The following ZFAND3 variants were observed in gnomAD, a reference collection of about 807,000 sequenced individuals.
ZFAND3 encodes AN1-type zinc finger protein 3.
Under a neutral mutation model 29.6 loss-of-function variants are expected in ZFAND3, and 10 were observed. That is an observed-to-expected ratio of 0.34 (90% CI 0.21 to 0.57). ZFAND3 has a LOEUF of 0.57. Ranked by LOEUF, ZFAND3 falls within the 20% of genes least tolerant of loss-of-function variation. The pLI, the probability that ZFAND3 is intolerant of heterozygous loss-of-function variation, is 0.86. For missense variants in ZFAND3, 230 were observed against 304.5 expected (o/e 0.76, Z 1.82); for synonymous variants, 128 against 112.6 (o/e 1.14, Z -0.87).
chr6:38,041,638 T>C (rs911406842), intron 2 of ZFAND3, among the ~76,000 whole-genome samples: 24 of 12,094 alleles, frequency 2.0e-3, no homozygotes, highest in Middle Eastern at 0.036. Flanking sequence ...CTTTTTCTTC[T>C]TCTTCTTCTT....
At chr6:38,107,598 G>A (rs1003419291) in intron 4 of ZFAND3, among the ~76,000 whole-genome samples, 12 of 152,186 alleles carry the variant, frequency 7.9e-5, no homozygotes, top group African/African-American at 2.4e-4. Flanking sequence ...TGGGGAGGCC[G>A]AGGTGGGCGG....
At chr6:38,103,471 ATATATATACACACATATATACACGTG>A (rs1765143435) in intron 4 of ZFAND3, among the ~76,000 whole-genome samples, 4 of 27,508 alleles carry the variant, frequency 1.5e-4, no homozygotes, top group East Asian at 8.1e-4. Context: ...ATACACGTGT[ATATATATACACACATATATACACGTG>A]TATATATATA....
intron 4 of ZFAND3, among the ~76,000 whole-genome samples, chr6:38,093,810 C>T (rs1016110452): frequency 3.3e-5 from 5 of 152,092 alleles, no homozygotes; most frequent in African/African-American, 9.7e-5. Context: ...TTAATTGAAC[C>T]ATTAAAAACT....
At chr6:38,043,801 C>CTTATTTATTTAT (rs148013161) in intron 2 of ZFAND3, among the ~76,000 whole-genome samples, 105 of 150,340 alleles carry the variant, frequency 7.0e-4, no homozygotes, top group African/African-American at 1.8e-3. Context: ...TGCTCGCTTG[C>CTTATTTATTTAT]TTATTTATTT....
intron 1 of ZFAND3, among the ~76,000 whole-genome samples, chr6:37,840,521 A>G (rs900537267): frequency 2.6e-5 from 4 of 152,208 alleles, no homozygotes; most frequent in African/African-American, 9.7e-5. Context: ...TTTATCAAGC[A>G]TGTTTTGGCT....
intron 2 of ZFAND3, among the ~76,000 whole-genome samples, chr6:38,008,555 T>C (rs967925059): frequency 1.3e-5 from 2 of 152,192 alleles, no homozygotes; most frequent in Non-Finnish European, 2.9e-5. Flanking sequence ...TATTTAAAGC[T>C]AGAATTTTGA....
intron 1 of ZFAND3, among the ~76,000 whole-genome samples, chr6:37,829,547 G>GAAATA (rs1350699962): frequency 2.0e-5 from 3 of 152,270 alleles, no homozygotes; most frequent in Admixed American, 2.0e-4. Flanking sequence ...AAAATGAAAT[G>GAAATA]AAATAAAATA....
chr6:38,052,749 T>C (rs1489484207), intron 2 of ZFAND3, among the ~76,000 whole-genome samples: 1 of 152,096 alleles, frequency 6.6e-6, no homozygotes, highest in African/African-American at 2.4e-5. Context: ...GCACTCCATG[T>C]TGACCGCCGG....
chr6:38,112,248 A>G (rs138675412), intron 4 of ZFAND3, among the ~76,000 whole-genome samples: 1 of 152,346 alleles, frequency 6.6e-6, no homozygotes, highest in African/African-American at 2.4e-5. Context: ...CTGTGTGGGT[A>G]TATCTACTAC....
chr6:37,991,572 C>T (rs1484123560), intron 2 of ZFAND3, among the ~76,000 whole-genome samples: 1 of 152,050 alleles, frequency 6.6e-6, no homozygotes, highest in African/African-American at 2.4e-5. Flanking sequence ...AGGCTGGTTA[C>T]GAACTGCTGA....
intron 5 of ZFAND3, among the ~76,000 whole-genome samples, chr6:38,124,011 C>T (rs1229945754): frequency 6.6e-6 from 1 of 152,132 alleles, no homozygotes; most frequent in Non-Finnish European, 1.5e-5. Flanking sequence ...GGCCCCCACC[C>T]ACATCCTGCT....
chr6:38,119,533 A>G (rs539464000), intron 5 of ZFAND3, among the ~76,000 whole-genome samples: 1 of 152,234 alleles, frequency 6.6e-6, no homozygotes, highest in Non-Finnish European at 1.5e-5. Context: ...AGCCATTGCT[A>G]TATAAATTGA....
chr6:38,008,889 A>G (rs189595552), intron 2 of ZFAND3, among the ~76,000 whole-genome samples: 1 of 152,222 alleles, frequency 6.6e-6, no homozygotes, highest in East Asian at 1.9e-4. Flanking sequence ...TGGGATTTCT[A>G]CTAATGGATA....
intron 1 of ZFAND3, among the ~76,000 whole-genome samples, chr6:37,903,320 A>G (rs1398563663): frequency 3.3e-5 from 5 of 152,194 alleles, no homozygotes; most frequent in Non-Finnish European, 7.3e-5. Context: ...GACACGTGAA[A>G]TATTCTGGCA....
intron 2 of ZFAND3, among the ~76,000 whole-genome samples, chr6:38,050,709 T>C (rs756391562): frequency 6.6e-6 from 1 of 152,206 alleles, no homozygotes; most frequent in Non-Finnish European, 1.5e-5. Context: ...GTCTTGGGTA[T>C]TTCTTCATAG....
At chr6:38,144,223 A>ATTTTTTTTTT (rs1562016178) in intron 5 of ZFAND3, among the ~76,000 whole-genome samples, 1 of 69,676 alleles carries the variant, frequency 1.4e-5, no homozygotes, top group Non-Finnish European at 2.9e-5. Flanking sequence ...TATATAATAT[A>ATTTTTTTTTT]TATATATATT....
Position 37,935,417 on chromosome 6 carries a change from T to C in ZFAND3, c.112+5418T>C, listed in dbSNP as rs193072066. 1.8e-3 allele frequency among the ~76,000 whole-genome samples: 279 copies of C among 152,292 alleles called. 1 individual carries two copies. The highest frequency in any genetic ancestry group is 6.5e-3 in the African/African-American group (272 of 41,558). ...GATTTTACTTAAATAAGTAAATGAATATAAAAAGCGAGAAAATTTTATGAC... is the reference window on the plus strand; with the variant it reads ...GATTTTACTTAAATAAGTAAATGAACATAAAAAGCGAGAAAATTTTATGAC... On this transcript the variant is annotated intron_variant, in intron 2 of 5. Coordinates refer to ENST00000287218, the MANE Select transcript of ZFAND3 (RefSeq NM_021943.3).
At chr6:38,133,147 T>A (rs1244476083) in intron 5 of ZFAND3, among the ~76,000 whole-genome samples, 1 of 152,182 alleles carries the variant, frequency 6.6e-6, no homozygotes. Context: ...TCAACAGTCT[T>A]CTCTTCTGTG....
At chr6:37,962,567 A>G (rs922621255) in intron 2 of ZFAND3, among the ~76,000 whole-genome samples, 22 of 152,174 alleles carry the variant, frequency 1.4e-4, no homozygotes, top group African/African-American at 3.1e-4. Flanking sequence ...GAACACACCA[A>G]TCAGCGCTCT....
Sources: gnomAD v4.1 joint callset for allele counts (sites outside exome capture counted in the v4.1 genomes callset) on GRCh38, gnomAD v4.1.1 for gene constraint, MANE v1.5 for transcripts, NCBI Gene and HGNC (gene_info 2026-07-23, HGNC 2026-07-21) for gene names.